Variants in GRK3 observed in about 807,000 individuals in gnomAD.
The protein encoded by GRK3 is adrenergic, beta, receptor kinase 2.
GRK3 carries 54 observed loss-of-function variants against 95.7 expected under a neutral mutation model. That is an observed-to-expected ratio of 0.56 (90% CI 0.45 to 0.71). GRK3 has a LOEUF of 0.71. Ranked by LOEUF, GRK3 falls within the 30% of genes least tolerant of loss-of-function variation. The pLI, the probability that GRK3 is intolerant of heterozygous loss-of-function variation, is 0.00. For missense variants in GRK3, 649 were observed against 851.2 expected, an observed-to-expected ratio of 0.76 and a Z score of 2.96; for synonymous variants, 281 against 290.8, an observed-to-expected ratio of 0.97 and a Z score of 0.34.
chr22:25,609,657 A>G lies in GRK3; in HGVS notation c.190+5204A>G, dbSNP rs560463132. ...CAAATCGATACTTAATACATGAAGTATGTAAATGTCATTCTCATGTATAAA... is the reference window on the plus strand; with the variant it reads ...CAAATCGATACTTAATACATGAAGTGTGTAAATGTCATTCTCATGTATAAA... On this transcript the variant is annotated intron_variant, in intron 2 of 20. Transcript: ENST00000324198. Among the ~76,000 whole-genome samples the G allele has an allele frequency of 2.6e-5, 4 of 152,152 alleles. No homozygotes were observed. The South Asian group carries it at 8.3e-4, about 32-fold the overall frequency.
At chr22:25,692,406 T>A (rs1217163691) in intron 12 of GRK3, among the ~76,000 whole-genome samples, 2 of 152,244 alleles carry the variant, frequency 1.3e-5, no homozygotes, top group African/African-American at 4.8e-5. Context: ...AGGACAATGA[T>A]ATTTATCTCC....
chr22:25,652,607 ATAAG>A (rs2084840422), intron 3 of GRK3, among the ~76,000 whole-genome samples: 1 of 152,186 alleles, frequency 6.6e-6, no homozygotes, highest in Non-Finnish European at 1.5e-5. Context: ...TAATTTTAGT[ATAAG>A]TAATAATTTC....
intron 9 of GRK3, among the ~76,000 whole-genome samples, chr22:25,683,444 A>G (rs752552351): frequency 1.3e-5 from 2 of 152,248 alleles, no homozygotes; most frequent in East Asian, 1.9e-4. Context: ...CTTGGTAGAT[A>G]TCACCAAATG....
chr22:25,628,501 C>T (rs140371046), intron 2 of GRK3, among the ~76,000 whole-genome samples: 1 of 151,996 alleles, frequency 6.6e-6, no homozygotes, highest in East Asian at 1.9e-4. Context: ...GAATGCCATG[C>T]GGTTATAAAA....
chr22:25,582,218 A>G (rs573001635), intron 1 of GRK3, among the ~76,000 whole-genome samples: 1 of 152,202 alleles, frequency 6.6e-6, no homozygotes, highest in South Asian at 2.1e-4. Flanking sequence ...CGGAGGTTGC[A>G]GTGAGCCGAG....
chr22:25,676,174 A>C (rs908366479), intron 8 of GRK3, among the ~76,000 whole-genome samples: 2 of 151,984 alleles, frequency 1.3e-5, no homozygotes, highest in Non-Finnish European at 2.9e-5. Flanking sequence ...GTTTCACTGA[A>C]ACACAGTCCT....
At chr22:25,593,819 A>G (rs748042990) in intron 1 of GRK3, among the ~76,000 whole-genome samples, 1 of 152,142 alleles carries the variant, frequency 6.6e-6, no homozygotes, top group South Asian at 2.1e-4. Flanking sequence ...AATCTTCTGC[A>G]TATGGCTAGC....
At chr22:25,575,607 C>G (rs574599119) in intron 1 of GRK3, among the ~76,000 whole-genome samples, 1 of 151,996 alleles carries the variant, frequency 6.6e-6, no homozygotes, top group Non-Finnish European at 1.5e-5. Context: ...TAAGAAAACC[C>G]CATGGTAGAT....
At chr22:25,621,095 TA>T (rs1295295908) in intron 2 of GRK3, among the ~76,000 whole-genome samples, 3 of 152,372 alleles carry the variant, frequency 2.0e-5, no homozygotes, top group African/African-American at 7.2e-5. Flanking sequence ...CTAGACCCAA[TA>T]AAAAGTCCTA....
chr22:25,710,527 A>G (rs527238611), intron 16 of GRK3, among the ~76,000 whole-genome samples: 1 of 152,304 alleles, frequency 6.6e-6, no homozygotes, highest in African/African-American at 2.4e-5. Flanking sequence ...TTTTTAGAAA[A>G]ATGTTGATTA....
In GRK3 at chr22:25,687,569, G is replaced by A. The variant is rs775678414; in HGVS notation, c.859G>A (p.Gly287Ser). ...TTTGCACTACCACCTTTCACAACAC[G>A]GTGTGTTCTCTGAGAAGGAGATGCG... Reference protein sequence around the residue: ...GDLHYHLSQHGVFSEKEMRFY... With the variant: ...GDLHYHLSQHSVFSEKEMRFY... Residue 287 changes from glycine (G) to serine (S), a missense_variant, in exon 11 of 21, where the codon GGT becomes AGT. Physicochemically the swap from Gly to Ser is moderately conservative, Grantham distance 56 (BLOSUM62 0). Around this residue, in one of 3 missense-constraint regions of GRK3, gnomAD observed 61 missense variants for 126.0 expected, o/e 0.48. Transcript: ENST00000324198. 14 of 1,613,880 alleles carry A rather than the reference G, an allele frequency of 8.7e-6. No individual in the cohort carries two copies. The highest frequency in any genetic ancestry group is 1.3e-5 in the African/African-American group (1 of 74,886).
intron 1 of GRK3, among the ~76,000 whole-genome samples, chr22:25,570,135 C>G (rs944984178): frequency 1.3e-5 from 2 of 152,214 alleles, no homozygotes; most frequent in Admixed American, 6.5e-5. Flanking sequence ...GCTACGAGTC[C>G]TCAGAGACTG....
intron 16 of GRK3, among the ~76,000 whole-genome samples, chr22:25,710,657 A>G (rs2085336596): frequency 6.6e-6 from 1 of 152,200 alleles, no homozygotes; most frequent in Non-Finnish European, 1.5e-5. Flanking sequence ...GTCAGTTAAC[A>G]CATACCTTGG....
chr22:25,707,434 T>G (rs1220197942), intron 15 of GRK3, among the ~76,000 whole-genome samples: 3 of 152,218 alleles, frequency 2.0e-5, no homozygotes, highest in East Asian at 3.9e-4. Context: ...CACACACTGA[T>G]GCTACCCCGT....
chr22:25,695,674 GACA>G (rs548024719), intron 13 of GRK3, among the ~76,000 whole-genome samples: 22,893 of 152,014 alleles, frequency 0.15, 2,274 homozygotes, highest in Non-Finnish European at 0.21. Context: ...TTTGTTTTTA[GACA>G]AGTTCTCTCT....
chr22:25,704,188 G>A lies in GRK3; in HGVS notation c.1307G>A (p.Arg436Gln), dbSNP rs1293497789. 2.5e-6 allele frequency: 4 copies of A among 1,612,876 alleles called. No homozygotes were observed. The highest frequency in any genetic ancestry group is 1.3e-5 in the African/African-American group (1 of 74,858). ...TTGCTTCAGCGAGACGTTAGCAAGC[G>A]GCTGGGCTGTCACGGAGGCGGGTAG... ...EGLLQRDVSK[R>Q]LGCHGGGSQE... Residue 436 changes from arginine to glutamine, a missense_variant, in exon 15 of 21, where the codon CGG becomes CAG. Arg to Gln is a conservative substitution (Grantham distance 43, BLOSUM62 1). This residue lies in a region of GRK3 where 382 missense variants were observed against 493.8 expected (regional missense o/e 0.77). Coordinates refer to ENST00000324198, the MANE Select transcript of GRK3 (RefSeq NM_005160.4).
At chr22:25,655,946 G>A (rs1010630630) in intron 3 of GRK3, among the ~76,000 whole-genome samples, 2 of 152,210 alleles carry the variant, frequency 1.3e-5, no homozygotes, top group Admixed American at 1.3e-4. Context: ...GTTACGTGCA[G>A]CATAGTGGTT....
intron 1 of GRK3, among the ~76,000 whole-genome samples, chr22:25,573,373 G>T (rs903432083): frequency 6.6e-6 from 1 of 152,144 alleles, no homozygotes; most frequent in Non-Finnish European, 1.5e-5. Flanking sequence ...TTAGGATTTG[G>T]TTCCTTGAAT....
At position 25,586,524 on chromosome 22, in the gene GRK3, T is replaced by A. The variant is rs570432896; in HGVS notation, c.114-17853T>A. 2.8e-3 allele frequency among the ~76,000 whole-genome samples: 421 copies of A among 152,284 alleles called. 1 individual carries two copies. The Middle Eastern group carries it at 0.031, about 11-fold the overall frequency. ...TACACACAAATGTTAAAAGATAAAT[T>A]AAAAAAAATCATGACAGTCCATTGT... On this transcript the variant is annotated intron_variant, in intron 1 of 20. Transcript: ENST00000324198.
Sources: gnomAD v4.1 joint callset for allele counts (sites outside exome capture counted in the v4.1 genomes callset) on GRCh38, gnomAD v4.1.1 for gene constraint, gnomAD v4.1.1 regional missense constraint, MANE v1.5 for transcripts, NCBI Gene and HGNC (gene_info 2026-07-23, HGNC 2026-07-21) for gene names.